The following MALT1 variants were observed in gnomAD, a reference collection of about 807,000 sequenced individuals.
MALT1 encodes the protein mucosa-associated lymphoid tissue lymphoma translocation protein 1.
In MALT1, 36 loss-of-function variants were observed where a neutral mutation model predicts 85.5. The observed-to-expected ratio is 0.42, with a 90% confidence interval of 0.32 to 0.56. The LOEUF is 0.56. MALT1 is among the 20% of genes least tolerant of loss of function. The pLI, the probability that MALT1 is intolerant of heterozygous loss-of-function variation, is 0.10. For synonymous variants in MALT1, 359 were observed against 361.3 expected, an observed-to-expected ratio of 0.99 and a Z score of 0.07; for missense variants, 716 against 981.6, an observed-to-expected ratio of 0.73 and a Z score of 3.62.
At chr18:58,737,017 C>T (rs2055230985) in intron 13 of MALT1, among the ~76,000 whole-genome samples, 1 of 152,158 alleles carries the variant, frequency 6.6e-6, no homozygotes, top group East Asian at 1.9e-4. Context: ...TGCTGTTTCT[C>T]CCTTTGGATC....
intron 2 of MALT1, among the ~76,000 whole-genome samples, chr18:58,692,451 TCCCTCCC>T (rs2054524918): frequency 8.9e-6 from 1 of 111,926 alleles, no homozygotes. Flanking sequence ...TCTCCCTCCC[TCCCTCCC>T]TCCCTCCCTG....
chr18:58,713,473 G>A (rs1005015090), intron 7 of MALT1, among the ~76,000 whole-genome samples: 2 of 151,964 alleles, frequency 1.3e-5, no homozygotes, highest in Non-Finnish European at 2.9e-5. Context: ...AACCGTCAGT[G>A]TCATCACAGA....
intron 10 of MALT1, among the ~76,000 whole-genome samples, chr18:58,728,983 TTGAAA>T (rs760457243): frequency 5.3e-5 from 8 of 152,216 alleles, no homozygotes; most frequent in Admixed American, 1.3e-4. Context: ...ATACCAGTTG[TTGAAA>T]TGGTACCATT....
Position 58,749,670 on chromosome 18 carries a change from A to G in MALT1, c.*1828A>G, listed in dbSNP as rs977419101. 9.1e-6 allele frequency: 2 copies of G among 220,742 alleles called. No homozygotes were observed. Among genetic ancestry groups the G allele is most frequent in the African/African-American group, 4.5e-5 (2 of 44,672 alleles). 13.7% of individuals were successfully genotyped at this position (220,742 alleles called of 1,614,324 possible). A position where few individuals can be genotyped will look rare whatever the true frequency, so the allele number is the denominator to read the frequency against. ...TAAATTCACAAATACATAACCTTGA[A>G]TAATGAGGATCAACTGTACCATATT... On this transcript the variant is annotated 3_prime_UTR_variant, in exon 17 of 17. Coordinates refer to ENST00000649217, the MANE Select transcript of MALT1 (RefSeq NM_006785.4).
chr18:58,720,099 T>C (rs1397053084), intron 9 of MALT1, among the ~76,000 whole-genome samples: 2 of 151,094 alleles, frequency 1.3e-5, no homozygotes, highest in African/African-American at 5.0e-5. Context: ...GCTTCATTAT[T>C]CTTTTGCTGA....
At chr18:58,683,337 A>G (rs535275079) in intron 2 of MALT1, among the ~76,000 whole-genome samples, 1 of 152,344 alleles carries the variant, frequency 6.6e-6, no homozygotes, top group East Asian at 1.9e-4. Context: ...AATTATGCTT[A>G]ATTACTCTAA....
intron 2 of MALT1, among the ~76,000 whole-genome samples, chr18:58,682,294 ATGCT>A (rs1279136336): frequency 6.6e-6 from 1 of 152,200 alleles, no homozygotes; most frequent in Non-Finnish European, 1.5e-5. Context: ...GTATAGTGGT[ATGCT>A]GTCAGTTACA....
At chr18:58,706,977 A>G (rs1431597844) in intron 4 of MALT1, among the ~76,000 whole-genome samples, 3 of 152,064 alleles carry the variant, frequency 2.0e-5, no homozygotes, top group African/African-American at 7.2e-5. Flanking sequence ...TCTTAATTAT[A>G]TGTATGTTAG....
intron 1 of MALT1, among the ~76,000 whole-genome samples, chr18:58,676,718 A>G (rs1004721664): frequency 6.6e-6 from 1 of 152,224 alleles, no homozygotes; most frequent in Non-Finnish European, 1.5e-5. Context: ...CTCTGTGTTT[A>G]TTTAAATTTA....
At chr18:58,675,451 C>T (rs1208112537) in intron 1 of MALT1, 1 of 152,024 alleles carries the variant, frequency 6.6e-6, no homozygotes, top group Non-Finnish European at 1.5e-5. Context: ...CCTGTTTCTA[C>T]AAAAAAACAA....
At chr18:58,707,906 C>G (rs576855895) in intron 4 of MALT1, among the ~76,000 whole-genome samples, 6 of 152,302 alleles carry the variant, frequency 3.9e-5, no homozygotes, top group African/African-American at 1.4e-4. Context: ...ATCGAGAAGA[C>G]TAGAAATCTC....
intron 13 of MALT1, among the ~76,000 whole-genome samples, chr18:58,740,491 ATTT>A (rs575050870): frequency 8.4e-4 from 125 of 149,380 alleles, no homozygotes; most frequent in Non-Finnish European, 1.5e-3. Flanking sequence ...AAGTTTAGGG[ATTT>A]TTTTTAGTTG....
chr18:58,745,058 A>G (rs1425621379), intron 15 of MALT1, among the ~76,000 whole-genome samples: 1 of 151,746 alleles, frequency 6.6e-6, no homozygotes, highest in East Asian at 1.9e-4. Flanking sequence ...TGTGGAGGAT[A>G]TTGCTTCATG....
intron 4 of MALT1, among the ~76,000 whole-genome samples, chr18:58,705,722 CATT>C (rs1457985481): frequency 6.6e-6 from 1 of 151,758 alleles, no homozygotes; most frequent in Non-Finnish European, 1.5e-5. Flanking sequence ...TCCAGTCTAT[CATT>C]GTTGGACATT....
rs150561268 is a variant in MALT1 at position 58,704,314 on chromosome 18, C to T, written c.649+3723C>T. On this transcript the variant is annotated intron_variant, in intron 4 of 16. Coordinates refer to ENST00000649217, the MANE Select transcript of MALT1 (RefSeq NM_006785.4). ...ACAGCGTATAAGATTTCAGGTTACT[C>T]GCCCCATATCTTGGCCAACATTGGT... Among the ~76,000 whole-genome samples the T allele has an allele frequency of 8.5e-5, 13 of 152,320 alleles. No homozygotes were observed. In the East Asian group the frequency reaches 9.6e-4, roughly 11 times the overall value.
intron 1 of MALT1, chr18:58,675,200 C>G (rs2054222788): frequency 6.6e-6 from 1 of 152,304 alleles, no homozygotes; most frequent in South Asian, 2.1e-4. Flanking sequence ...AACATCTGAG[C>G]CCTAAGGATG....
rs76624756 is a variant in MALT1, at chr18:58,734,516, T to A, written c.1475+135T>A. On this transcript the variant is annotated intron_variant, in intron 12 of 16. Transcript: ENST00000649217. ...AGGCGCCATCATAGCTCACTGCTCC[T>A]GGGCTCAAGCGATCCTCCTGCCTCA... 9.0e-3 allele frequency: 6,013 copies of A among 668,948 alleles called. 61 individuals carry two copies. The highest frequency in any genetic ancestry group is 9.5e-3 in the Non-Finnish European group (3,512 of 370,576). The allele number at this position is 668,948 out of a possible 1,614,324, so 41.4% of individuals were successfully genotyped here.
intron 11 of MALT1, 36 bp from the exon 12 acceptor site, chr18:58,734,271 T>C: frequency 7.0e-7 from 1 of 1,426,058 alleles, no homozygotes; most frequent in Non-Finnish European, 9.9e-7. Flanking sequence ...TAACTTTTCA[T>C]ATTTCTATCT....
At chr18:58,676,382 C>T (rs1157580648) in intron 1 of MALT1, among the ~76,000 whole-genome samples, 3 of 151,602 alleles carry the variant, frequency 2.0e-5, no homozygotes, top group Non-Finnish European at 4.4e-5. Context: ...TGCCAACTCT[C>T]CTATTGTTTT....
Sources: allele counts gnomAD v4.1 joint callset (sites outside exome capture counted in the v4.1 genomes callset), GRCh38; gene constraint gnomAD v4.1.1; transcripts MANE v1.5; gene names NCBI Gene and HGNC (gene_info 2026-07-23, HGNC 2026-07-21).